Variants in PRR16 observed in about 807,000 individuals in gnomAD.
The protein encoded by PRR16 is protein Largen.
A neutral mutation model predicts 18.2 loss-of-function variants in PRR16; 6 were observed. The observed-to-expected ratio is 0.33, with a 90% confidence interval of 0.18 to 0.65. The LOEUF (loss-of-function observed/expected upper bound fraction) is 0.65. Among genes scored for constraint, PRR16 ranks in the 30% least tolerant of loss-of-function variants. The pLI is 0.74. For missense variants in PRR16, 412 were observed against 376.6 expected (o/e 1.09, Z -0.78); for synonymous variants, 151 against 147.8 (o/e 1.02, Z -0.16).
intron 1 of PRR16, among the ~76,000 whole-genome samples, chr5:120,518,276 T>C (rs1234387192): frequency 6.6e-6 from 1 of 152,206 alleles, no homozygotes; most frequent in Non-Finnish European, 1.5e-5. Flanking sequence ...ATTCACTTCC[T>C]GGAGCAATAA....
At chr5:120,478,856 T>A (rs1749522648) in intron 1 of PRR16, among the ~76,000 whole-genome samples, 2 of 152,118 alleles carry the variant, frequency 1.3e-5, no homozygotes, top group African/African-American at 4.8e-5. Flanking sequence ...TTCTGGAATA[T>A]CATGCATTTT....
At chr5:120,700,232 G>C in the PRR16 span, among the ~76,000 whole-genome samples, 1 of 152,118 alleles carries the variant, frequency 6.6e-6, no homozygotes, top group South Asian at 2.1e-4. Context: ...AGGTAAAATG[G>C]GGGCATTGTC....
At chr5:120,473,832 T>C (rs1454315713) in intron 1 of PRR16, among the ~76,000 whole-genome samples, 1 of 152,164 alleles carries the variant, frequency 6.6e-6, no homozygotes, top group African/African-American at 2.4e-5. Flanking sequence ...ATTTATCTTA[T>C]GAAGTAATAG....
chr5:120,713,464 G>C, the PRR16 span, among the ~76,000 whole-genome samples: 1 of 152,048 alleles, frequency 6.6e-6, no homozygotes, highest in African/African-American at 2.4e-5. Context: ...TGATAACATT[G>C]TTTTCTTGAT....
intron 1 of PRR16, among the ~76,000 whole-genome samples, chr5:120,538,001 C>T (rs1471990584): frequency 6.6e-6 from 1 of 151,856 alleles, no homozygotes; most frequent in Non-Finnish European, 1.5e-5. Flanking sequence ...TGGTCTCAAT[C>T]TCCTGACCTC....
At chr5:120,785,408 T>C in the PRR16 span, among the ~76,000 whole-genome samples, 1 of 152,096 alleles carries the variant, frequency 6.6e-6, no homozygotes, top group Non-Finnish European at 1.5e-5. Flanking sequence ...CATGACGCCT[T>C]ATTTCAGTGG....
the PRR16 span, among the ~76,000 whole-genome samples, chr5:120,714,968 A>G: frequency 6.6e-6 from 1 of 152,048 alleles, no homozygotes; most frequent in Non-Finnish European, 1.5e-5. Flanking sequence ...GAGGAGAACA[A>G]CACACACCAG....
At chr5:120,764,808 T>A in the PRR16 span, among the ~76,000 whole-genome samples, 1 of 152,080 alleles carries the variant, frequency 6.6e-6, no homozygotes, top group African/African-American at 2.4e-5. Flanking sequence ...GAAAATTAGA[T>A]AATTAATAAT....
At chr5:120,480,873 G>A (rs1749588222) in intron 1 of PRR16, among the ~76,000 whole-genome samples, 1 of 152,100 alleles carries the variant, frequency 6.6e-6, no homozygotes, top group Admixed American at 6.5e-5. Context: ...AACCAGTTAA[G>A]TATTTTTTAT....
the PRR16 span, among the ~76,000 whole-genome samples, chr5:120,780,933 C>T: frequency 1.3e-5 from 2 of 152,060 alleles, no homozygotes; most frequent in Admixed American, 6.6e-5. Flanking sequence ...ACCTGTAATC[C>T]CAGCTACTTG....
At chr5:120,701,921 C>T in the PRR16 span, among the ~76,000 whole-genome samples, 3 of 152,212 alleles carry the variant, frequency 2.0e-5, no homozygotes, top group South Asian at 4.1e-4. Flanking sequence ...CTATTTGGAA[C>T]GACTGTCGAA....
At chr5:120,780,558 A>ATATT in the PRR16 span, among the ~76,000 whole-genome samples, 1 of 152,184 alleles carries the variant, frequency 6.6e-6, no homozygotes, top group South Asian at 2.1e-4. Context: ...TTTGACTTTG[A>ATATT]TATTTAATCC....
At chr5:120,485,300 T>G (rs1749758048) in intron 1 of PRR16, among the ~76,000 whole-genome samples, 1 of 152,238 alleles carries the variant, frequency 6.6e-6, no homozygotes, top group African/African-American at 2.4e-5. Flanking sequence ...TTAAAATGTT[T>G]TGCATGATTC....
At chr5:120,793,209 C>A in the PRR16 span, among the ~76,000 whole-genome samples, 1 of 152,072 alleles carries the variant, frequency 6.6e-6, no homozygotes, top group Non-Finnish European at 1.5e-5. Context: ...ATGGTATAAC[C>A]TTGTGGGACC....
intron 1 of PRR16, among the ~76,000 whole-genome samples, chr5:120,578,185 T>C (rs915404095): frequency 1.3e-5 from 2 of 152,182 alleles, no homozygotes; most frequent in Admixed American, 6.5e-5. Context: ...ATTTGCTTGA[T>C]TGTGGTTTTA....
chr5:120,678,829 T>A (rs1001090292), intron 1 of PRR16, among the ~76,000 whole-genome samples: 1 of 152,188 alleles, frequency 6.6e-6, no homozygotes, highest in African/African-American at 2.4e-5. Context: ...TCCACTCTAA[T>A]GACACCTCTA....
chr5:120,727,281 C>G, the PRR16 span, among the ~76,000 whole-genome samples: 6 of 151,974 alleles, frequency 3.9e-5, no homozygotes, highest in South Asian at 2.1e-4. Context: ...TGGGATAATC[C>G]TTTCTGGTTT....
intron 1 of PRR16, among the ~76,000 whole-genome samples, chr5:120,491,801 C>A (rs1438850227): frequency 6.6e-6 from 1 of 152,182 alleles, no homozygotes; most frequent in Non-Finnish European, 1.5e-5. Flanking sequence ...GCCTTGGCCT[C>A]CCAAAGTGCT....
At chr5:120,665,194 T>G (rs1385885642) in intron 1 of PRR16, among the ~76,000 whole-genome samples, 2 of 139,954 alleles carry the variant, frequency 1.4e-5, no homozygotes, top group Non-Finnish European at 3.2e-5. Flanking sequence ...GATTTGCATT[T>G]CTCTGATGGC....
Sources: allele counts gnomAD v4.1 joint callset (sites outside exome capture counted in the v4.1 genomes callset), GRCh38; gene constraint gnomAD v4.1.1; transcripts MANE v1.5; gene names NCBI Gene and HGNC (gene_info 2026-07-23, HGNC 2026-07-21).